The following FRMD3 variants were observed in gnomAD, a reference collection of about 807,000 sequenced individuals.
FRMD3 encodes FERM domain-containing protein 3.
FRMD3 carries 33 observed loss-of-function variants against 70.2 expected under a neutral mutation model. The ratio of observed to expected loss-of-function variants is 0.47; its 90% confidence interval spans 0.36 to 0.63. FRMD3 has a LOEUF of 0.63. Among genes scored for constraint, FRMD3 ranks in the 20% least tolerant of loss-of-function variants. The pLI is 0.00. For missense variants in FRMD3, 632 were observed against 711.4 expected, an observed-to-expected ratio of 0.89 and a Z score of 1.27; for synonymous variants, 279 against 255.9, an observed-to-expected ratio of 1.09 and a Z score of -0.86.
chr9:83,364,882 T>G (rs1824738479), intron 3 of FRMD3, among the ~76,000 whole-genome samples: 1 of 152,194 alleles, frequency 6.6e-6, no homozygotes, highest in South Asian at 2.1e-4. Context: ...GAATAAAAAT[T>G]TATCTGCCCC....
chr9:83,491,220 G>C (rs189488225), intron 1 of FRMD3, among the ~76,000 whole-genome samples: 1 of 152,242 alleles, frequency 6.6e-6, no homozygotes, highest in African/African-American at 2.4e-5. Flanking sequence ...ATCAGAACTT[G>C]AGATAAAAGG....
intron 1 of FRMD3, among the ~76,000 whole-genome samples, chr9:83,405,770 AAAAG>A (rs1056751794): frequency 8.6e-5 from 13 of 151,952 alleles, no homozygotes; most frequent in Non-Finnish European, 1.9e-4. Flanking sequence ...CAAAAAAAAA[AAAAG>A]AAAGAAAGTG....
At position 83,247,774 on chromosome 9, in the gene FRMD3, G is replaced by T; in HGVS notation, c.*144C>A. Reference sequence around the variant, plus strand: ...ACTTATTTAAGTGCAGTGAATTATGGAAAGCTAACTTAAAGGTTTGAATAA... The same window carrying T: ...ACTTATTTAAGTGCAGTGAATTATGTAAAGCTAACTTAAAGGTTTGAATAA... On this transcript the variant is annotated 3_prime_UTR_variant, in exon 14 of 14. Transcript: ENST00000304195. 2 of 1,478,078 alleles carry T rather than the reference G, an allele frequency of 1.4e-6. No homozygotes were observed. The highest frequency in any genetic ancestry group is 3.0e-5 in the South Asian group (2 of 67,030). The allele number at this position is 1,478,078 out of a possible 1,614,324, so 91.6% of individuals were successfully genotyped here.
rs535733044 is a variant in FRMD3 at position 83,276,714 on chromosome 9, A to G, written c.1195+13889T>C. Among the ~76,000 whole-genome samples, 263 of 152,320 alleles carry G rather than the reference A, an allele frequency of 1.7e-3. 1 individual carries two copies. The highest frequency in any genetic ancestry group is 6.1e-3 in the African/African-American group (253 of 41,570). Reference sequence around the variant, plus strand: ...TTTTGTCTTTCAAATTATCAAATATATGTATACATACTGAGACAGAGTTTC... The same window carrying G: ...TTTTGTCTTTCAAATTATCAAATATGTGTATACATACTGAGACAGAGTTTC... On this transcript the variant is annotated intron_variant, in intron 13 of 13. Coordinates refer to ENST00000304195, the MANE Select transcript of FRMD3 (RefSeq NM_174938.6).
chr9:83,313,285 A>T (rs757256082), intron 7 of FRMD3, among the ~76,000 whole-genome samples: 4 of 152,220 alleles, frequency 2.6e-5, no homozygotes, highest in African/African-American at 4.8e-5. Flanking sequence ...TGCAACTTGA[A>T]ATCTTTCTTT....
rs201079652 is a variant in FRMD3, at chr9:83,528,538, A to AT, written c.147+9546dup. Among the ~76,000 whole-genome samples the AT allele has an allele frequency of 2.0e-3, 294 of 147,464 alleles. 2 individuals carry two copies. The highest frequency in any genetic ancestry group is 0.014 in the Admixed American group (209 of 14,744). Reference sequence around the variant, plus strand: ...AAATGGACAGTCACCTAAACCAGCAATTTTTTTTTTTGAGACAGGGCCTCA... The same window carrying AT: ...AAATGGACAGTCACCTAAACCAGCAATTTTTTTTTTTTGAGACAGGGCCTCA... On this transcript the variant is annotated intron_variant, in intron 1 of 13. Coordinates refer to ENST00000304195, the MANE Select transcript of FRMD3 (RefSeq NM_174938.6).
At chr9:83,507,737 T>TCG (rs1829234578) in intron 1 of FRMD3, among the ~76,000 whole-genome samples, 1 of 106,826 alleles carries the variant, frequency 9.4e-6, no homozygotes, top group Non-Finnish European at 2.0e-5. Context: ...TATATATATA[T>TCG]ATCTTCTGGA....
At position 83,269,633 on chromosome 9, in the gene FRMD3, C is replaced by T. The variant is rs536923974; in HGVS notation, c.1195+20970G>A. Among the ~76,000 whole-genome samples the T allele has an allele frequency of 7.3e-5, 11 of 151,718 alleles. No homozygotes were observed. The East Asian group carries it at 1.2e-3, about 16-fold the overall frequency. ...CTGAGGCAGGAGAATTGCATAAACC[C>T]GGGAGGCGGAGGTTGCAGCAAGCCG... On this transcript the variant is annotated intron_variant, in intron 13 of 13. Coordinates refer to ENST00000304195, the MANE Select transcript of FRMD3 (RefSeq NM_174938.6).
chr9:83,584,548 T>C, the FRMD3 span, among the ~76,000 whole-genome samples: 5 of 152,220 alleles, frequency 3.3e-5, no homozygotes, highest in African/African-American at 9.6e-5. Context: ...ATCTCTCACC[T>C]CCCCTTTCAG....
At chr9:83,258,547 CACTT>C (rs1433899720) in intron 13 of FRMD3, among the ~76,000 whole-genome samples, 7 of 152,210 alleles carry the variant, frequency 4.6e-5, no homozygotes, top group Non-Finnish European at 1.0e-4. Context: ...ATACTAATGA[CACTT>C]AACTATCTCA....
chr9:83,522,179 A>G (rs1257039702), intron 1 of FRMD3, among the ~76,000 whole-genome samples: 1 of 152,262 alleles, frequency 6.6e-6, no homozygotes, highest in Non-Finnish European at 1.5e-5. Context: ...TTGAAATGTG[A>G]GTGACAAAAT....
chr9:83,250,260 AC>A (rs1488151664), intron 13 of FRMD3, among the ~76,000 whole-genome samples: 1 of 152,060 alleles, frequency 6.6e-6, no homozygotes, highest in East Asian at 1.9e-4. Context: ...CACCCAGGAA[AC>A]CACACTTCTC....
intron 1 of FRMD3, among the ~76,000 whole-genome samples, chr9:83,391,620 GA>G (rs1422209457): frequency 6.6e-6 from 1 of 152,140 alleles, no homozygotes; most frequent in Admixed American, 6.5e-5. Flanking sequence ...GCACAACAAA[GA>G]TTTTTTTTAA....
intron 1 of FRMD3, among the ~76,000 whole-genome samples, chr9:83,535,989 C>G (rs974765506): frequency 6.6e-6 from 1 of 152,076 alleles, no homozygotes; most frequent in African/African-American, 2.4e-5. Flanking sequence ...ACCTGATACC[C>G]GGAAGGGCAA....
At chr9:83,485,123 C>G (rs548923204) in intron 1 of FRMD3, among the ~76,000 whole-genome samples, 1 of 152,212 alleles carries the variant, frequency 6.6e-6, no homozygotes, top group Non-Finnish European at 1.5e-5. Context: ...GAACCCAAAT[C>G]AAAATTCCAC....
At chr9:83,454,216 C>T (rs1306884441) in intron 1 of FRMD3, among the ~76,000 whole-genome samples, 1 of 152,158 alleles carries the variant, frequency 6.6e-6, no homozygotes, top group African/African-American at 2.4e-5. Flanking sequence ...TATTTTCCCA[C>T]ACTCCTTTCA....
intron 1 of FRMD3, among the ~76,000 whole-genome samples, chr9:83,456,932 A>C (rs1827834400): frequency 6.6e-6 from 1 of 152,168 alleles, no homozygotes; most frequent in Non-Finnish European, 1.5e-5. Flanking sequence ...GTGGGCTGTG[A>C]TCATGCCACC....
chr9:83,439,199 A>G (rs1331448326), intron 1 of FRMD3, among the ~76,000 whole-genome samples: 1 of 152,246 alleles, frequency 6.6e-6, no homozygotes, highest in Non-Finnish European at 1.5e-5. Flanking sequence ...TGGGCCATGA[A>G]AGCCATAAAA....
intron 1 of FRMD3, among the ~76,000 whole-genome samples, chr9:83,505,143 G>C (rs1318923067): frequency 6.6e-6 from 1 of 152,112 alleles, no homozygotes; most frequent in Non-Finnish European, 1.5e-5. Context: ...AATGCACCAG[G>C]TAAAATATCA....
Sources: gnomAD v4.1 joint callset for allele counts (sites outside exome capture counted in the v4.1 genomes callset) on GRCh38, gnomAD v4.1.1 for gene constraint, MANE v1.5 for transcripts, NCBI Gene and HGNC (gene_info 2026-07-23, HGNC 2026-07-21) for gene names.